The following ARID5B variants were observed in gnomAD, a reference collection of about 807,000 sequenced individuals.
The protein encoded by ARID5B is AT-rich interaction domain 5B, also known as AT-rich interactive domain-containing protein 5B.
In ARID5B, 13 loss-of-function variants were observed where a neutral mutation model predicts 97.2. The observed-to-expected ratio is 0.13, with a 90% CI of 0.09 to 0.21. The LOEUF (loss-of-function observed/expected upper bound fraction) is 0.21. ARID5B is among the 10% of genes least tolerant of loss of function. ARID5B has a pLI of 1.00. For missense variants in ARID5B, 1,210 were observed against 1,465.3 expected (o/e 0.83, Z 2.84); for synonymous variants, 556 against 570.3 (o/e 0.97, Z 0.36).
intron 4 of ARID5B, among the ~76,000 whole-genome samples, chr10:62,034,117 G>A (rs1839531343): frequency 6.6e-6 from 1 of 152,216 alleles, no homozygotes; most frequent in East Asian, 1.9e-4. Context: ...TCCTTTTCTG[G>A]TGAAGATAAT....
chr10:61,911,272 T>A (rs1843799209), intron 2 of ARID5B, among the ~76,000 whole-genome samples: 1 of 152,246 alleles, frequency 6.6e-6, no homozygotes, highest in African/African-American at 2.4e-5. Context: ...TTTAGTTGCT[T>A]AGTTACACAA....
In ARID5B at chr10:62,095,112, T is replaced by C. The variant is rs1314050254; in HGVS notation, c.*2082T>C. Reference sequence around the variant, plus strand: ...ACCTTCCTGTGGAATAATATATATATATATATTTAATAGAACCATAGATAG... The same window carrying C: ...ACCTTCCTGTGGAATAATATATATACATATATTTAATAGAACCATAGATAG... On this transcript the variant is annotated 3_prime_UTR_variant, in exon 10 of 10. Coordinates refer to ENST00000279873, the MANE Select transcript of ARID5B (RefSeq NM_032199.3). 1 of 227,648 alleles carries C rather than the reference T, an allele frequency of 4.4e-6. No individual in the cohort carries two copies. Among genetic ancestry groups the C allele is most frequent in the Non-Finnish European group, 8.7e-6 (1 of 114,612 alleles). The allele number at this position is 227,648 out of a possible 1,614,324, so 14.1% of individuals were successfully genotyped here.
chr10:61,949,561 C>T (rs749823752), intron 3 of ARID5B, among the ~76,000 whole-genome samples: 2 of 152,060 alleles, frequency 1.3e-5, no homozygotes, highest in Non-Finnish European at 2.9e-5. Context: ...CACTTGAACC[C>T]GGGAGGCGGA....
intron 4 of ARID5B, among the ~76,000 whole-genome samples, chr10:62,041,947 C>G (rs1424699587): frequency 6.6e-6 from 1 of 152,092 alleles, no homozygotes; most frequent in Non-Finnish European, 1.5e-5. Context: ...CAATCATAGA[C>G]TAGAACGAGC....
intron 8 of ARID5B, among the ~76,000 whole-genome samples, chr10:62,078,357 C>T (rs757682582): frequency 2.6e-5 from 4 of 152,116 alleles, no homozygotes; most frequent in African/African-American, 7.2e-5. Context: ...CGTGCAGTGA[C>T]GCATACCTGT....
At chr10:62,084,529 A>G (rs1197614120) in intron 8 of ARID5B, among the ~76,000 whole-genome samples, 1 of 152,232 alleles carries the variant, frequency 6.6e-6, no homozygotes, top group Non-Finnish European at 1.5e-5. Flanking sequence ...TGTCTTATTT[A>G]AAACAAATTA....
intron 3 of ARID5B, among the ~76,000 whole-genome samples, chr10:61,956,890 G>T (rs1343399567): frequency 1.3e-5 from 2 of 152,000 alleles, no homozygotes; most frequent in African/African-American, 4.8e-5. Context: ...CAATTTGCGG[G>T]TATTCCTCCA....
At chr10:62,059,822 C>T (rs1489825475) in intron 7 of ARID5B, among the ~76,000 whole-genome samples, 1 of 152,168 alleles carries the variant, frequency 6.6e-6, no homozygotes, top group African/African-American at 2.4e-5. Flanking sequence ...CTCTGACACT[C>T]TTTATCAGCT....
intron 3 of ARID5B, among the ~76,000 whole-genome samples, chr10:61,994,661 A>C (rs1272961059): frequency 6.6e-6 from 1 of 152,172 alleles, no homozygotes; most frequent in East Asian, 1.9e-4. Flanking sequence ...AATGGTATAC[A>C]GTTACTGTTT....
intron 2 of ARID5B, among the ~76,000 whole-genome samples, chr10:61,909,097 C>G (rs1843754903): frequency 6.6e-6 from 1 of 152,098 alleles, no homozygotes; most frequent in Non-Finnish European, 1.5e-5. Context: ...GCAGCATGAA[C>G]AAGACAGACA....
At chr10:61,960,819 T>C (rs1838460053) in intron 3 of ARID5B, among the ~76,000 whole-genome samples, 1 of 152,240 alleles carries the variant, frequency 6.6e-6, no homozygotes, top group African/African-American at 2.4e-5. Flanking sequence ...TTAAATCTTG[T>C]ACTTGGCAGC....
At chr10:61,914,667 A>G (rs1843867932) in intron 2 of ARID5B, among the ~76,000 whole-genome samples, 1 of 152,242 alleles carries the variant, frequency 6.6e-6, no homozygotes, top group Non-Finnish European at 1.5e-5. Context: ...AATGAAGTCA[A>G]AGTCACAACA....
chr10:61,963,931 C>T (rs1213119582), intron 3 of ARID5B, among the ~76,000 whole-genome samples: 1 of 152,064 alleles, frequency 6.6e-6, no homozygotes, highest in Non-Finnish European at 1.5e-5. Context: ...ACAGATGTGC[C>T]TGGTGTGAAA....
In ARID5B at chr10:61,947,261, C is replaced by CTTTTTTTTTT. The variant is rs199587188; in HGVS notation, c.502+6869_502+6878dup. Among the ~76,000 whole-genome samples the CTTTTTTTTTT allele has an allele frequency of 1.3e-3, 164 of 124,256 alleles. 5 individuals are homozygous for CTTTTTTTTTT. The highest frequency in any genetic ancestry group is 2.9e-3 in the African/African-American group (95 of 33,108). 81.5% of individuals were successfully genotyped at this position (124,256 alleles called of 152,430 possible). A position where few individuals can be genotyped will look rare whatever the true frequency, so the allele number is the denominator to read the frequency against. On this transcript the variant is annotated intron_variant, in intron 3 of 9. Transcript: ENST00000279873. ...ACCAGTATATCTTCTCACTTACTTT[C>CTTTTTTTTTT]TTTTTTTTTTTTTTTTTTTTTTTTT...
At chr10:62,021,632 A>G (rs1460860182) in intron 4 of ARID5B, among the ~76,000 whole-genome samples, 7 of 152,238 alleles carry the variant, frequency 4.6e-5, no homozygotes, top group Non-Finnish European at 1.0e-4. Flanking sequence ...AACCAGAAAC[A>G]TCCATTCTGG....
At chr10:62,030,289 C>T (rs909707667) in intron 4 of ARID5B, among the ~76,000 whole-genome samples, 2 of 152,004 alleles carry the variant, frequency 1.3e-5, no homozygotes, top group African/African-American at 2.4e-5. Flanking sequence ...GCTATCACGC[C>T]CAGCTAATTT....
At chr10:62,027,373 A>G (rs777688286) in intron 4 of ARID5B, among the ~76,000 whole-genome samples, 7 of 127,202 alleles carry the variant, frequency 5.5e-5, no homozygotes, top group Non-Finnish European at 1.1e-4. Context: ...CAGTGGCACA[A>G]TCTCGGCTCA....
chr10:62,040,916 G>A (rs1220671591), intron 4 of ARID5B, among the ~76,000 whole-genome samples: 2 of 152,110 alleles, frequency 1.3e-5, no homozygotes, highest in Non-Finnish European at 2.9e-5. Context: ...TTATCTTACA[G>A]TGAAAAATGT....
intron 2 of ARID5B, among the ~76,000 whole-genome samples, chr10:61,921,670 CAGG>C (rs1007462800): frequency 2.6e-5 from 4 of 152,260 alleles, no homozygotes; most frequent in Admixed American, 2.6e-4. Context: ...CACCCAAGAG[CAGG>C]AGATTATTAG....
Sources: allele counts gnomAD v4.1 joint callset (sites outside exome capture counted in the v4.1 genomes callset), GRCh38; gene constraint gnomAD v4.1.1; transcripts MANE v1.5; gene names NCBI Gene and HGNC (gene_info 2026-07-23, HGNC 2026-07-21).